The following MEOX2 variants were observed in gnomAD, a reference collection of about 807,000 sequenced individuals.
The protein encoded by MEOX2 is homeobox protein MOX-2.
A neutral mutation model predicts 27.0 loss-of-function variants in MEOX2; 11 were observed. That is an observed-to-expected ratio of 0.41 (90% CI 0.26 to 0.68). The LOEUF is 0.68. MEOX2 is among the 30% of genes least tolerant of loss of function. The probability of loss-of-function intolerance (pLI) is 0.33; values close to 1 mark genes in which losing one functional copy is unlikely to be tolerated. For missense variants in MEOX2, 436 were observed against 385.4 expected (o/e 1.13, Z -1.10); for synonymous variants, 189 against 155.4 (o/e 1.22, Z -1.61).
At chr7:15,655,018 A>AT (rs975695928) in intron 1 of MEOX2, among the ~76,000 whole-genome samples, 14 of 151,268 alleles carry the variant, frequency 9.3e-5, no homozygotes, top group South Asian at 4.1e-4. Context: ...GCCTGTATAT[A>AT]TTTTTTTTGA....
At chr7:15,652,833 G>GT (rs888412226) in intron 1 of MEOX2, among the ~76,000 whole-genome samples, 1 of 151,944 alleles carries the variant, frequency 6.6e-6, no homozygotes, top group Non-Finnish European at 1.5e-5. Context: ...TTGCTGAGTG[G>GT]TTTTCCATGT....
chr7:15,617,246 A>C (rs1781138418), intron 2 of MEOX2, among the ~76,000 whole-genome samples: 1 of 152,116 alleles, frequency 6.6e-6, no homozygotes, highest in African/African-American at 2.4e-5. Flanking sequence ...TTAATATTCC[A>C]ACTGTTTCCA....
chr7:15,673,752 A>T (rs1391805356), intron 1 of MEOX2, among the ~76,000 whole-genome samples: 1 of 152,088 alleles, frequency 6.6e-6, no homozygotes, highest in Non-Finnish European at 1.5e-5. Flanking sequence ...TTCTGAGGAG[A>T]TTCGATAGTA....
intron 2 of MEOX2, among the ~76,000 whole-genome samples, chr7:15,618,819 A>T (rs4377858): frequency 0.67 from 102,066 of 151,630 alleles, 34,584 homozygotes; most frequent in East Asian, 0.81. Context: ...TTTATTATAT[A>T]AACTTATAAA....
chr7:15,686,487 G>T lies in MEOX2; in HGVS notation c.-85C>A. 1.6e-6 allele frequency: 2 copies of T among 1,249,306 alleles called. No individual in the cohort carries two copies. Among genetic ancestry groups the T allele is most frequent in the Non-Finnish European group, 1.1e-6 (1 of 939,306 alleles). The allele number at this position is 1,249,306 out of a possible 1,614,324, so 77.4% of individuals were successfully genotyped here. ...CTCTGTCACTTTTTCACTGGAAACCGTGTGATTTTTTTTTTAACCTCCCAA... is the reference window on the plus strand; with the variant it reads ...CTCTGTCACTTTTTCACTGGAAACCTTGTGATTTTTTTTTTAACCTCCCAA... On this transcript the variant is annotated 5_prime_UTR_variant, in exon 1 of 3. Coordinates refer to ENST00000262041, the MANE Select transcript of MEOX2 (RefSeq NM_005924.5).
intron 1 of MEOX2, among the ~76,000 whole-genome samples, chr7:15,685,617 G>C (rs1354031993): frequency 6.6e-6 from 1 of 152,210 alleles, no homozygotes; most frequent in Admixed American, 6.5e-5. Flanking sequence ...ACAGCCACTT[G>C]TCCTTTTTTA....
At chr7:15,613,967 T>G (rs543396337) in intron 2 of MEOX2, among the ~76,000 whole-genome samples, 1 of 152,118 alleles carries the variant, frequency 6.6e-6, no homozygotes, top group Middle Eastern at 3.4e-3. Context: ...CTTCTCTCAA[T>G]GTATGCTGTT....
At chr7:15,626,433 T>C (rs1260379797) in intron 2 of MEOX2, among the ~76,000 whole-genome samples, 1 of 152,050 alleles carries the variant, frequency 6.6e-6, no homozygotes, top group Non-Finnish European at 1.5e-5. Context: ...GATTTTAACA[T>C]ATAAGCATGC....
chr7:15,627,828 T>TACACACACACACACACACACACACAC (rs578053964), intron 1 of MEOX2, among the ~76,000 whole-genome samples: 610 of 23,828 alleles, frequency 0.026, 5 homozygotes, highest in African/African-American at 0.09. Flanking sequence ...CACACACACG[T>TACACACACACACACACACACACACAC]CAAGTAAAAA....
At chr7:15,658,916 T>C (rs1781865765) in intron 1 of MEOX2, among the ~76,000 whole-genome samples, 1 of 152,244 alleles carries the variant, frequency 6.6e-6, no homozygotes, top group Admixed American at 6.5e-5. Flanking sequence ...GTAACCTGAA[T>C]TGACTAAGAC....
At chr7:15,652,599 C>A (rs894535420) in intron 1 of MEOX2, among the ~76,000 whole-genome samples, 1 of 151,958 alleles carries the variant, frequency 6.6e-6, no homozygotes, top group African/African-American at 2.4e-5. Flanking sequence ...AAGCCACTAT[C>A]TTTTTAATTA....
At chr7:15,634,409 C>G (rs1583753975) in intron 1 of MEOX2, among the ~76,000 whole-genome samples, 1 of 151,868 alleles carries the variant, frequency 6.6e-6, no homozygotes, top group Non-Finnish European at 1.5e-5. Context: ...TATGGTTCTC[C>G]CAGTCCAATT....
At chr7:15,616,659 A>C (rs964554038) in intron 2 of MEOX2, among the ~76,000 whole-genome samples, 1 of 151,942 alleles carries the variant, frequency 6.6e-6, no homozygotes, top group Non-Finnish European at 1.5e-5. Context: ...TTATTTACTA[A>C]AAAATAAGTA....
chr7:15,659,351 G>C (rs1781871988), intron 1 of MEOX2, among the ~76,000 whole-genome samples: 1 of 152,084 alleles, frequency 6.6e-6, no homozygotes, highest in Non-Finnish European at 1.5e-5. Context: ...ATTAGTGGTA[G>C]TAAAAAAACA....
intron 1 of MEOX2, among the ~76,000 whole-genome samples, chr7:15,664,717 C>A (rs942723250): frequency 2.0e-5 from 3 of 152,186 alleles, no homozygotes; most frequent in Non-Finnish European, 4.4e-5. Context: ...ACAAATCAGT[C>A]TTTCTAATTA....
chr7:15,618,814 T>C (rs1186406188), intron 2 of MEOX2, among the ~76,000 whole-genome samples: 1 of 151,878 alleles, frequency 6.6e-6, no homozygotes, highest in Non-Finnish European at 1.5e-5. Context: ...CCAAGTTTAT[T>C]ATATAAACTT....
intron 1 of MEOX2, among the ~76,000 whole-genome samples, chr7:15,673,096 G>A (rs1212188202): frequency 6.6e-6 from 1 of 152,124 alleles, no homozygotes; most frequent in Admixed American, 6.5e-5. Context: ...TATAAGGGAA[G>A]CATTTCCTAT....
intron 2 of MEOX2, among the ~76,000 whole-genome samples, chr7:15,619,494 TC>T (rs1211645626): frequency 6.6e-6 from 1 of 152,060 alleles, no homozygotes; most frequent in Non-Finnish European, 1.5e-5. Flanking sequence ...ATTATCTTTA[TC>T]CTTTTATTAT....
intron 1 of MEOX2, among the ~76,000 whole-genome samples, chr7:15,663,629 G>A (rs780333598): frequency 1.3e-5 from 2 of 151,954 alleles, no homozygotes; most frequent in East Asian, 1.9e-4. Context: ...GTGAGCCACC[G>A]CGCCCAGCCA....
Sources: gnomAD v4.1 joint callset for allele counts (sites outside exome capture counted in the v4.1 genomes callset) on GRCh38, gnomAD v4.1.1 for gene constraint, MANE v1.5 for transcripts, NCBI Gene and HGNC (gene_info 2026-07-23, HGNC 2026-07-21) for gene names.